The following LRRD1 variants were observed in gnomAD, a reference collection of about 807,000 sequenced individuals.
LRRD1 encodes the protein leucine rich repeats and death domain containing 1, also known as leucine-rich repeat and death domain-containing protein 1.
Under a neutral mutation model 69.5 loss-of-function variants are expected in LRRD1, and 49 were observed. That is an observed-to-expected ratio of 0.70 (90% confidence interval 0.56 to 0.89). LRRD1 has a LOEUF of 0.89. LRRD1 is among the 40% of genes least tolerant of loss of function. The probability of loss-of-function intolerance (pLI) is 0.00; values close to 1 mark genes in which losing one functional copy is unlikely to be tolerated. For synonymous variants in LRRD1, 303 were observed against 338.9 expected, an observed-to-expected ratio of 0.89 and a Z score of 1.16; for missense variants, 853 against 956.0, an observed-to-expected ratio of 0.89 and a Z score of 1.42.
intron 3 of LRRD1, among the ~76,000 whole-genome samples, chr7:92,157,688 G>A (rs1051313786): frequency 6.6e-6 from 1 of 151,692 alleles, no homozygotes; most frequent in African/African-American, 2.4e-5. Flanking sequence ...TCCTGCCTCA[G>A]CCTCCTGAGT....
Position 92,163,304 on chromosome 7 carries a change from A to T in LRRD1, c.1899T>A (p.Ser633Arg), listed in dbSNP as rs1788826598. 1 of 1,484,838 alleles carries T rather than the reference A, an allele frequency of 6.7e-7. No homozygotes were observed. Among genetic ancestry groups the T allele is most frequent in the South Asian group, 1.4e-5 (1 of 70,828 alleles). 92.0% of individuals were successfully genotyped at this position (1,484,838 alleles called of 1,614,324 possible). Residue 633 changes from serine to arginine, a missense_variant, in exon 2 of 6, where the codon AGT becomes AGA. By Grantham distance (110) the Ser-to-Arg change is moderately radical. Coordinates refer to ENST00000458448, the MANE Select transcript of LRRD1 (RefSeq NM_001161528.2). ...QLQSLEQLNI[S>R]QIKGRKLTRL... is the part of the protein sequence containing the mutation. ...CTCTTACCTTTCTCCCTTTTATCTGACTTATATTCAGCTGTTCCAGTGATT... is the reference window on the plus strand; with the variant it reads ...CTCTTACCTTTCTCCCTTTTATCTGTCTTATATTCAGCTGTTCCAGTGATT...
chr7:92,147,675 A>G (rs1017384504), intron 4 of LRRD1, among the ~76,000 whole-genome samples: 5 of 152,150 alleles, frequency 3.3e-5, no homozygotes, highest in African/African-American at 1.2e-4. Context: ...TTTTTTAATT[A>G]AAACTTCCAG....
chr7:92,176,057 A>G (rs377227155), intron 1 of LRRD1, among the ~76,000 whole-genome samples: 1 of 152,196 alleles, frequency 6.6e-6, no homozygotes, highest in South Asian at 2.1e-4. Flanking sequence ...CTTAAAAACT[A>G]TGGTGGTTAT....
chr7:92,146,677 T>C (rs1820333300), intron 4 of LRRD1, among the ~76,000 whole-genome samples: 1 of 151,004 alleles, frequency 6.6e-6, no homozygotes. Flanking sequence ...TCCCAGCACT[T>C]TGGGAGGCCA....
At chr7:92,145,803 A>G (rs6465352) in intron 5 of LRRD1, among the ~76,000 whole-genome samples, 65,812 of 151,970 alleles carry the variant, frequency 0.43, 14,993 homozygotes, top group African/African-American at 0.57. Flanking sequence ...GAGTATATTC[A>G]TTTTACCAGT....
Position 92,163,800 on chromosome 7 carries a change from T to G in LRRD1, c.1403A>C (p.Lys468Thr), listed in dbSNP as rs771850419. 6.7e-6 allele frequency: 10 copies of G among 1,500,466 alleles called. No homozygotes were observed. The highest frequency in any genetic ancestry group is 1.7e-4 in the Middle Eastern group (1 of 5,740). 92.9% of individuals were successfully genotyped at this position (1,500,466 alleles called of 1,614,324 possible). A position where few individuals can be genotyped will look rare whatever the true frequency, so the allele number is the denominator to read the frequency against. The change falls in exon 2 of 6, where the codon AAA (lysine) becomes ACA (threonine). Residue 468 changes from lysine to threonine, a missense_variant. Around this residue, in one of 3 missense-constraint regions of LRRD1, gnomAD observed 739 missense variants for 808.0 expected, o/e 0.91. Coordinates refer to ENST00000458448, the MANE Select transcript of LRRD1 (RefSeq NM_001161528.2). ...TATTTTGTTATAACTCAATTCAATT[T>G]TAATTATTTTTTGGCAGTTTTTTAT... is the stretch of plus-strand genomic sequence containing the variant. ...IEIKNCQKII[K>T]IELSYNKIMY...
At chr7:92,142,458 C>T (rs200622035), downstream of LRRD1, 219 of 456,622 alleles carry the variant, frequency 4.8e-4, no homozygotes, top group Non-Finnish European at 7.7e-4. Context: ...AGACTCATAA[C>T]CTACCCGCAG....
At position 92,146,087 on chromosome 7, in the gene LRRD1, T is replaced by G. The variant is rs1200035250; in HGVS notation, c.2392A>C (p.Lys798Gln). The change falls in exon 5 of 6, where the codon AAG becomes CAG. Residue 798 changes from lysine (K) to glutamine (Q), a missense_variant. Transcript: ENST00000458448. Reference protein sequence around the residue: ...LANSETDMPTKSTVSLSERAH... With the variant: ...LANSETDMPTQSTVSLSERAH... ...AATGCTGTCATTTATACATACCTCT[T>G]TGTAGGCATATCAGTTTCTGAGTTT... is the stretch of plus-strand genomic sequence containing the variant. 1 of 1,495,406 alleles carries G rather than the reference T, an allele frequency of 6.7e-7. No individual in the cohort carries two copies. 92.6% of individuals were successfully genotyped at this position (1,495,406 alleles called of 1,614,324 possible).
At chr7:92,152,004 G>C (rs1032380490) in intron 3 of LRRD1, among the ~76,000 whole-genome samples, 1 of 149,360 alleles carries the variant, frequency 6.7e-6, no homozygotes. Flanking sequence ...TAGTCATTTA[G>C]AGAGGCCTAA....
Position 92,167,400 on chromosome 7 carries a change from G to T in LRRD1, c.-74-2124C>A, listed in dbSNP as rs147224109. On this transcript the variant is annotated intron_variant, in intron 1 of 5. Transcript: ENST00000458448. ...TGAGCCTGTAAACTTTTTAGTTTTG[G>T]TAATTGCACTATGATTATGAAAAAT... 1.1e-3 allele frequency among the ~76,000 whole-genome samples: 162 copies of T among 151,370 alleles called. 2 individuals carry two copies. The East Asian group carries it at 0.028, about 26-fold the overall frequency.
At chr7:92,149,916 G>T (rs1451329251) in intron 4 of LRRD1, 1 of 456,654 alleles carries the variant, frequency 2.2e-6, no homozygotes, top group East Asian at 7.0e-5. Flanking sequence ...TTTATGTGTG[G>T]ATTTTGAGTC....
intron 1 of LRRD1, among the ~76,000 whole-genome samples, chr7:92,175,028 G>A (rs1285296221): frequency 6.6e-6 from 1 of 152,006 alleles, no homozygotes; most frequent in African/African-American, 2.4e-5. Flanking sequence ...TCACACCAAT[G>A]CACTCCAGCC....
At position 92,163,838 on chromosome 7, in the gene LRRD1, A is replaced by G. The variant is rs1398227294; in HGVS notation, c.1365T>C (p.Asp455=). The G allele has an allele frequency of 6.7e-6, 10 of 1,503,332 alleles. No individual in the cohort carries two copies. Among genetic ancestry groups the G allele is most frequent in the South Asian group, 1.3e-5 (1 of 75,046 alleles). 93.1% of individuals were successfully genotyped at this position (1,503,332 alleles called of 1,614,324 possible). A position where few individuals can be genotyped will look rare whatever the true frequency, so the allele number is the denominator to read the frequency against. Residue 455 remains aspartate, a synonymous_variant, in exon 2 of 6, where the codon GAT becomes GAC. Transcript: ENST00000458448. ...GGCAGTTTTTTATTTCAATGGGAACATCTGTGATTATGTTTCCTGAAAATT... is the reference window on the plus strand; with the variant it reads ...GGCAGTTTTTTATTTCAATGGGAACGTCTGTGATTATGTTTCCTGAAAATT... ...SLEFSGNIIT[D]VPIEIKNCQK...
At chr7:92,166,866 G>T (rs1423081189) in intron 1 of LRRD1, among the ~76,000 whole-genome samples, 1 of 152,050 alleles carries the variant, frequency 6.6e-6, no homozygotes, top group Non-Finnish European at 1.5e-5. Flanking sequence ...AGCTAGAAAA[G>T]GTTATGCTCA....
At chr7:92,159,333 A>G in intron 2 of LRRD1, 130 bp from the exon 3 acceptor site, 1 of 637,340 alleles carries the variant, frequency 1.6e-6, no homozygotes, top group Non-Finnish European at 2.5e-6. Flanking sequence ...ATTTTTTATT[A>G]TGTCACAAAT....
At chr7:92,175,091 C>CA (rs1306050080) in intron 1 of LRRD1, among the ~76,000 whole-genome samples, 32 of 151,050 alleles carry the variant, frequency 2.1e-4, no homozygotes, top group African/African-American at 5.4e-4. Context: ...ACACAAAACA[C>CA]AAAAAAAACC....
At chr7:92,174,311 TAGA>T (rs931930252) in intron 1 of LRRD1, among the ~76,000 whole-genome samples, 23 of 151,408 alleles carry the variant, frequency 1.5e-4, no homozygotes, top group Middle Eastern at 3.4e-3. Context: ...TCAAAATAAC[TAGA>T]AGAGAATAAT....
At chr7:92,157,337 T>TC (rs1341358393) in intron 3 of LRRD1, among the ~76,000 whole-genome samples, 1 of 152,154 alleles carries the variant, frequency 6.6e-6, no homozygotes, top group African/African-American at 2.4e-5. Flanking sequence ...CAATATGATA[T>TC]CATTTTTTAT....
chr7:92,173,020 C>T (rs4729023), intron 1 of LRRD1, among the ~76,000 whole-genome samples: 16,666 of 152,026 alleles, frequency 0.11, 1,052 homozygotes, highest in East Asian at 0.35. Context: ...GAATAGAATA[C>T]AAAACCCAGA....
Sources: gnomAD v4.1 joint callset for allele counts (sites outside exome capture counted in the v4.1 genomes callset) on GRCh38, gnomAD v4.1.1 for gene constraint, gnomAD v4.1.1 regional missense constraint, MANE v1.5 for transcripts, NCBI Gene and HGNC (gene_info 2026-07-23, HGNC 2026-07-21) for gene names.